Variants in IFT88 observed in about 807,000 individuals in gnomAD.
The protein encoded by IFT88 is intraflagellar transport 88.
A neutral mutation model predicts 119.5 loss-of-function variants in IFT88; 74 were observed. The observed-to-expected ratio is 0.62, with a 90% confidence interval of 0.51 to 0.75. The LOEUF is 0.75. Among genes scored for constraint, IFT88 ranks in the 30% least tolerant of loss-of-function variants. The pLI, the probability that IFT88 is intolerant of heterozygous loss-of-function variation, is 0.00. For missense variants in IFT88, 961 were observed against 977.7 expected (o/e 0.98, Z 0.23); for synonymous variants, 279 against 316.7 (o/e 0.88, Z 1.26).
chr13:20,631,238 CTGAT>C (rs1343553781), intron 16 of IFT88, 136 bp downstream of exon 16: 3 of 618,448 alleles, frequency 4.9e-6, no homozygotes, highest in Non-Finnish European at 8.7e-6. Flanking sequence ...TATAGAGGAT[CTGAT>C]CCTGACAAGT....
intron 3 of IFT88, among the ~76,000 whole-genome samples, chr13:20,584,251 C>T (rs2039238387): frequency 6.6e-6 from 1 of 151,658 alleles, no homozygotes; most frequent in Non-Finnish European, 1.5e-5. Flanking sequence ...TTAAGTCTTT[C>T]AGTCTATGAA....
intron 16 of IFT88, 47 bp from the exon 17 acceptor site, chr13:20,638,285 A>G: frequency 9.8e-7 from 1 of 1,021,770 alleles, no homozygotes; most frequent in Non-Finnish European, 1.3e-6. Flanking sequence ...ACAGTCAGAA[A>G]AGGTATTTCA....
At chr13:20,661,718 G>T (rs1017942376) in intron 22 of IFT88, among the ~76,000 whole-genome samples, 3 of 148,516 alleles carry the variant, frequency 2.0e-5, no homozygotes, top group African/African-American at 7.6e-5. Flanking sequence ...CCAGGTGACA[G>T]AGCAAGACTC....
intron 14 of IFT88, among the ~76,000 whole-genome samples, chr13:20,623,162 A>G (rs985194845): frequency 2.0e-5 from 3 of 152,164 alleles, no homozygotes; most frequent in African/African-American, 7.2e-5. Flanking sequence ...ACTCTATGCT[A>G]TTGGTCTACA....
At chr13:20,631,315 GA>G (rs146155488) in intron 16 of IFT88, 27 of 498,326 alleles carry the variant, frequency 5.4e-5, no homozygotes, top group Non-Finnish European at 8.0e-5. Flanking sequence ...GAGAAGGGAG[GA>G]AGAAAAATTG....
In IFT88 at chr13:20,574,460, A is replaced by G; in HGVS notation, c.75A>G (p.Pro25=). The stretch of plus-strand genomic sequence containing the variant: ...ATTCCGGCTATAATGACTACAATCC[A>G]ATCTATGATATCGAGGTAACAAAAG... ...DLYSGYNDYN[P]IYDIEELEND... is the part of the protein sequence containing the mutation. Residue 25 remains proline, a synonymous_variant, in exon 2 of 26, where the codon CCA becomes CCG. Coordinates refer to ENST00000351808, the MANE Select transcript of IFT88 (RefSeq NM_006531.5). 2 of 1,595,004 alleles carry G rather than the reference A, an allele frequency of 1.3e-6. No homozygotes were observed. Among genetic ancestry groups the G allele is most frequent in the Non-Finnish European group, 1.7e-6 (2 of 1,164,492 alleles).
At chr13:20,597,660 C>A (rs946109999) in intron 9 of IFT88, among the ~76,000 whole-genome samples, 1 of 151,626 alleles carries the variant, frequency 6.6e-6, no homozygotes. Context: ...AGGAGAATGG[C>A]GTGAACCCGG....
intron 21 of IFT88, among the ~76,000 whole-genome samples, chr13:20,655,454 A>C (rs138668948): frequency 7.2e-5 from 10 of 138,318 alleles, no homozygotes; most frequent in African/African-American, 2.5e-4. Context: ...AAAAAAAAAA[A>C]CAAAAAAAAC....
chr13:20,627,020 G>A (rs1225336993), intron 15 of IFT88, among the ~76,000 whole-genome samples: 1 of 152,154 alleles, frequency 6.6e-6, no homozygotes. Flanking sequence ...AGGAAGTGGG[G>A]AGAACATTAT....
At chr13:20,631,153 A>T (rs758004228) in intron 16 of IFT88, 51 bp downstream of exon 16, 1 of 1,159,298 alleles carries the variant, frequency 8.6e-7, no homozygotes, top group Admixed American at 1.7e-5. Context: ...TTATATTGCT[A>T]AATTTCTGCC....
intron 7 of IFT88, among the ~76,000 whole-genome samples, chr13:20,595,047 G>A (rs79179209): frequency 2.2e-3 from 328 of 152,184 alleles, no homozygotes; most frequent in Non-Finnish European, 3.2e-3. Flanking sequence ...ACTGATTTGG[G>A]AATACTTGAT....
chr13:20,604,871 C>T (rs1780088086), intron 12 of IFT88, among the ~76,000 whole-genome samples, 164 bp from the exon 13 acceptor site: 1 of 152,188 alleles, frequency 6.6e-6, no homozygotes, highest in South Asian at 2.1e-4. Flanking sequence ...GGGAGGATCA[C>T]CTGAGCCCAG....
At chr13:20,567,806 T>C in intron 1 of IFT88, 1 of 1,310,904 alleles carries the variant, frequency 7.6e-7, no homozygotes, top group African/African-American at 1.5e-5. Context: ...CCCAAGATTC[T>C]TTCTAAGCCT....
At chr13:20,680,480 G>A (rs752181095) in intron 24 of IFT88, among the ~76,000 whole-genome samples, 129 of 152,298 alleles carry the variant, frequency 8.5e-4, no homozygotes, top group South Asian at 1.7e-3. Flanking sequence ...ATTGTCTTTT[G>A]TTTCAGCAGT....
At chr13:20,589,479 C>T (rs2040290663) in intron 3 of IFT88, among the ~76,000 whole-genome samples, 1 of 152,122 alleles carries the variant, frequency 6.6e-6, no homozygotes, top group East Asian at 1.9e-4. Flanking sequence ...AATCTTGTGT[C>T]TATTGTTTGG....
At chr13:20,646,625 A>G (rs1408394209) in intron 20 of IFT88, among the ~76,000 whole-genome samples, 5 of 152,024 alleles carry the variant, frequency 3.3e-5, no homozygotes, top group Admixed American at 6.6e-5. Context: ...GCCTACACCA[A>G]TAAAATCTTA....
At chr13:20,610,580 GAA>G (rs202084557) in intron 13 of IFT88, among the ~76,000 whole-genome samples, 1 of 135,986 alleles carries the variant, frequency 7.4e-6, no homozygotes. Context: ...GATGTTACTG[GAA>G]AAAAAAAAAA....
intron 19 of IFT88, 147 bp downstream of exon 19, chr13:20,643,752 TTTTTGTTTTG>T (rs1402723856): frequency 1.5e-6 from 1 of 675,508 alleles, no homozygotes; most frequent in Non-Finnish European, 2.4e-6. Flanking sequence ...ATGAAGTTAG[TTTTTGTTTTG>T]TTTTGTTTTG....
Position 20,663,605 on chromosome 13 carries a change from GTA to G in IFT88, c.2175+3_2175+4del. The G allele has an allele frequency of 6.2e-7, 1 of 1,604,186 alleles. No homozygotes were observed. The highest frequency in any genetic ancestry group is 1.1e-5 in the South Asian group (1 of 90,662). ...AAAAATGAAAGAAATAAGGGAACAG[GTA>G]TCTCATATGGGCCCCAAACTGCAGT... On this transcript the variant is annotated splice_donor_variant and splice_donor_region_variant and intron_variant, in intron 23 of 25. Coordinates refer to ENST00000351808, the MANE Select transcript of IFT88 (RefSeq NM_006531.5). LOFTEE classifies it high-confidence loss of function.
Sources: gnomAD v4.1 joint callset for allele counts (sites outside exome capture counted in the v4.1 genomes callset) on GRCh38, gnomAD v4.1.1 for gene constraint, MANE v1.5 for transcripts, NCBI Gene and HGNC (gene_info 2026-07-23, HGNC 2026-07-21) for gene names.